The following TSEN15 variants were observed in gnomAD, a reference collection of about 807,000 sequenced individuals.
TSEN15 encodes the protein tRNA splicing endonuclease subunit 15.
Under a neutral mutation model 20.5 loss-of-function variants are expected in TSEN15, and 10 were observed. The ratio of observed to expected loss-of-function variants is 0.49; its 90% CI spans 0.30 to 0.83. The LOEUF is 0.83. Ranked by LOEUF, TSEN15 falls within the 40% of genes least tolerant of loss-of-function variation. The pLI, the probability that TSEN15 is intolerant of heterozygous loss-of-function variation, is 0.06. For synonymous variants in TSEN15, 72 were observed against 80.1 expected, an observed-to-expected ratio of 0.90 and a Z score of 0.54; for missense variants, 180 against 218.6, an observed-to-expected ratio of 0.82 and a Z score of 1.11.
chr1:184,080,484 T>G (rs184367266), intron 3 of TSEN15, among the ~76,000 whole-genome samples: 113 of 152,270 alleles, frequency 7.4e-4, no homozygotes, highest in African/African-American at 2.5e-3. Context: ...TGTGCCAAAG[T>G]CTTTGGGAGG....
chr1:184,096,085 G>T, exon 4 of TSEN15: 1 of 230,038 alleles, frequency 4.3e-6, no homozygotes, highest in Non-Finnish European at 8.4e-6. Context: ...TCCACTTTGA[G>T]CTTCTGATGA....
intron 3 of TSEN15, among the ~76,000 whole-genome samples, chr1:184,081,470 G>A (rs1209895397): frequency 6.6e-6 from 1 of 152,140 alleles, no homozygotes; most frequent in Non-Finnish European, 1.5e-5. Flanking sequence ...CGTTTCACTA[G>A]CCAAAGGAAG....
At chr1:184,083,666 G>T (rs1651209559) in intron 3 of TSEN15, among the ~76,000 whole-genome samples, 1 of 152,118 alleles carries the variant, frequency 6.6e-6, no homozygotes, top group Non-Finnish European at 1.5e-5. Context: ...GAGATCATTA[G>T]AAAACTTGGT....
chr1:184,080,499 A>C (rs1054874174), intron 3 of TSEN15, among the ~76,000 whole-genome samples: 1 of 152,154 alleles, frequency 6.6e-6, no homozygotes, highest in Admixed American at 6.6e-5. Flanking sequence ...GGGAGGAAAA[A>C]ATTATTCAGT....
At chr1:184,076,271 T>A (rs1651060552), downstream of TSEN15, among the ~76,000 whole-genome samples, 2 of 152,136 alleles carry the variant, frequency 1.3e-5, no homozygotes, top group Admixed American at 1.3e-4. Context: ...AAACTTTTTT[T>A]ATTATTATAT....
rs1334186605 is a variant in TSEN15 at position 184,067,940 on chromosome 1, AAAT to A, written c.354-4215_354-4213del. Among the ~76,000 whole-genome samples, 259 of 110,916 alleles carry A rather than the reference AAAT, an allele frequency of 2.3e-3. 1 individual carries two copies. The highest frequency in any genetic ancestry group is 7.6e-3 in the East Asian group (30 of 3,954). 72.8% of individuals were successfully genotyped at this position (110,916 alleles called of 152,430 possible). ...TCTCTCTCTCAAAAAAAAAAAAAAAAAATATATATATATATATATATATATATA... is the reference window on the plus strand; with the variant it reads ...TCTCTCTCTCAAAAAAAAAAAAAAAAATATATATATATATATATATATATA... On this transcript the variant is annotated intron_variant, in intron 3 of 4. Coordinates refer to ENST00000645668, the MANE Select transcript of TSEN15 (RefSeq NM_052965.4).
chr1:184,055,011 G>A, intron 3 of TSEN15, 148 bp downstream of exon 3: 3 of 846,452 alleles, frequency 3.5e-6, no homozygotes, highest in Non-Finnish European at 5.3e-6. Flanking sequence ...AAATATGAGT[G>A]TTGTATTCGG....
intron 3 of TSEN15, among the ~76,000 whole-genome samples, chr1:184,088,815 A>G (rs1195338941): frequency 6.6e-6 from 1 of 152,080 alleles, no homozygotes; most frequent in Non-Finnish European, 1.5e-5. Context: ...GACTAATCCT[A>G]TTTCTGGAAG....
chr1:184,062,122 T>G (rs2102884865), intron 3 of TSEN15, among the ~76,000 whole-genome samples: 1 of 152,240 alleles, frequency 6.6e-6, no homozygotes, highest in East Asian at 1.9e-4. Flanking sequence ...GTGGGAAAAT[T>G]TTGCTGATGG....
chr1:184,065,918 T>A (rs893702638), intron 3 of TSEN15, among the ~76,000 whole-genome samples: 1 of 152,210 alleles, frequency 6.6e-6, no homozygotes. Flanking sequence ...GATATGTGTT[T>A]TACAAATATT....
chr1:184,093,102 TC>T (rs1651388843), intron 3 of TSEN15, among the ~76,000 whole-genome samples: 1 of 152,214 alleles, frequency 6.6e-6, no homozygotes, highest in Admixed American at 6.5e-5. Flanking sequence ...TTCTTTCCGA[TC>T]AATTCTGTTA....
intron 3 of TSEN15, among the ~76,000 whole-genome samples, chr1:184,058,815 T>C (rs2102881481): frequency 6.6e-6 from 1 of 152,288 alleles, no homozygotes; most frequent in South Asian, 2.1e-4. Flanking sequence ...TATTCAGTGA[T>C]AAAACATCTA....
chr1:184,063,340 C>T (rs1160838040), intron 3 of TSEN15, among the ~76,000 whole-genome samples: 3 of 152,068 alleles, frequency 2.0e-5, no homozygotes, highest in Non-Finnish European at 4.4e-5. Context: ...TACCATGAAG[C>T]TAAAAGTCTA....
chr1:184,055,895 C>T (rs1323771532), intron 3 of TSEN15, among the ~76,000 whole-genome samples: 2 of 152,068 alleles, frequency 1.3e-5, no homozygotes, highest in Admixed American at 1.3e-4. Context: ...CCTTCCTTAA[C>T]GTGCTTTCAC....
At chr1:184,082,172 T>G (rs1651182890) in intron 3 of TSEN15, among the ~76,000 whole-genome samples, 1 of 152,134 alleles carries the variant, frequency 6.6e-6, no homozygotes, top group Non-Finnish European at 1.5e-5. Flanking sequence ...CATTAGCATC[T>G]GACAGAGAGA....
At chr1:184,059,016 A>G (rs1166866858) in intron 3 of TSEN15, among the ~76,000 whole-genome samples, 4 of 149,774 alleles carry the variant, frequency 2.7e-5, no homozygotes, top group South Asian at 2.1e-4. Context: ...AGCACTGAAT[A>G]TTCGCTTAGA....
chr1:184,060,920 T>G (rs533320918), intron 3 of TSEN15, among the ~76,000 whole-genome samples: 4 of 152,198 alleles, frequency 2.6e-5, no homozygotes, highest in Non-Finnish European at 5.9e-5. Context: ...TCTAGAACTC[T>G]TGTAATTATA....
chr1:184,070,559 T>A (rs1650844083), intron 3 of TSEN15: 3 of 819,862 alleles, frequency 3.7e-6, no homozygotes, highest in South Asian at 3.5e-5. Flanking sequence ...TAGAAAAAAA[T>A]TAATTCAAGA....
chr1:184,082,917 A>G (rs1277064563), intron 3 of TSEN15, among the ~76,000 whole-genome samples: 1 of 152,176 alleles, frequency 6.6e-6, no homozygotes, highest in African/African-American at 2.4e-5. Context: ...GGGAACAAGA[A>G]TTACTGAAAA....
Sources: allele counts gnomAD v4.1 joint callset (sites outside exome capture counted in the v4.1 genomes callset), GRCh38; gene constraint gnomAD v4.1.1; transcripts MANE v1.5; gene names NCBI Gene and HGNC (gene_info 2026-07-23, HGNC 2026-07-21).